The following PAQR6 variants were observed in gnomAD, a reference collection of about 807,000 sequenced individuals.
PAQR6 encodes progestin and adipoQ receptor family member 6.
A neutral mutation model predicts 36.2 loss-of-function variants in PAQR6; 34 were observed. The ratio of observed to expected loss-of-function variants is 0.94; its 90% CI spans 0.71 to 1.25. The LOEUF (loss-of-function observed/expected upper bound fraction) is 1.25. Ranked by LOEUF, PAQR6 falls within the 50% of genes most tolerant of loss-of-function variation. PAQR6 has a pLI of 0.00. For synonymous variants in PAQR6, 190 were observed against 190.7 expected (o/e 1.00, Z 0.03); for missense variants, 431 against 445.7 (o/e 0.97, Z 0.30).
rs771330512 is a variant in PAQR6, at chr1:156,247,942, G to T, written c.-26+15C>A. 4.5e-6 allele frequency: 2 copies of T among 448,170 alleles called. No homozygotes were observed. The highest frequency in any genetic ancestry group is 4.1e-5 in the African/African-American group (2 of 49,358). 27.8% of individuals were successfully genotyped at this position (448,170 alleles called of 1,614,324 possible). A position where few individuals can be genotyped will look rare whatever the true frequency, so the allele number is the denominator to read the frequency against. On this transcript the variant is annotated intron_variant, in intron 1 of 7. Transcript: ENST00000292291. ...CTATTTTCCCAGAAGAGCCCCAGAAGGTGAGCTTCCTTACCCAGAGCTTGG... is the reference window on the plus strand; with the variant it reads ...CTATTTTCCCAGAAGAGCCCCAGAATGTGAGCTTCCTTACCCAGAGCTTGG...
intron 1 of PAQR6, 38 bp from the exon 2 acceptor site, chr1:156,246,794 C>T (rs1660584294): frequency 1.3e-6 from 2 of 1,543,794 alleles, no homozygotes; most frequent in African/African-American, 1.4e-5. Context: ...CAGATAACTG[C>T]CCCCATCCAC....
At position 156,245,844 on chromosome 1, in the gene PAQR6, G is replaced by A. The variant is rs1015455189; in HGVS notation, c.323C>T (p.Ser108Leu). The A allele has an allele frequency of 1.2e-6, 2 of 1,606,428 alleles. No homozygotes were observed. Among genetic ancestry groups the A allele is most frequent in the Non-Finnish European group, 1.7e-6 (2 of 1,177,146 alleles). The change falls in exon 4 of 8, where the codon TCG becomes TTG. Residue 108 changes from serine (S) to leucine (L), a missense_variant. Coordinates refer to ENST00000292291, the MANE Select transcript of PAQR6 (RefSeq NM_198406.3). ...SCCAHTFSSM[S>L]PRMRHICYFL... is the part of the protein sequence containing the mutation. ...GTAGCAGATGTGGCGCATGCGGGGCGACATGGAGCTGAAGGTGTGCGCGCA... is the reference window on the plus strand; with the variant it reads ...GTAGCAGATGTGGCGCATGCGGGGCAACATGGAGCTGAAGGTGTGCGCGCA...
Position 156,243,863 on chromosome 1 carries a change from A to C in PAQR6, c.*266T>G, listed in dbSNP as rs1558206568. The stretch of plus-strand genomic sequence containing the variant: ...TTTGACAGAATATAGGGGCATCTTC[A>C]GCCTGGACACGCATGCATCTCCCCT... On this transcript the variant is annotated 3_prime_UTR_variant, in exon 8 of 8. Coordinates refer to ENST00000292291, the MANE Select transcript of PAQR6 (RefSeq NM_198406.3). 6.3e-7 allele frequency: 1 copy of C among 1,591,248 alleles called. No individual in the cohort carries two copies. The highest frequency in any genetic ancestry group is 1.3e-5 in the African/African-American group (1 of 74,632).
chr1:156,246,192 T>C lies in PAQR6; in HGVS notation c.110A>G (p.Asp37Gly). The change falls in exon 3 of 8, where the codon GAC becomes GGC. Residue 37 changes from aspartate to glycine, a missense_variant. Coordinates refer to ENST00000292291, the MANE Select transcript of PAQR6 (RefSeq NM_198406.3). Reference protein sequence around the residue: ...GYRRPTSSALDCVLSSFQMTN... With the variant: ...GYRRPTSSALGCVLSSFQMTN... ...CATCTGGAAGGAGCTGAGGACACAG[T>C]CCAAAGCCGAGCTGGTGGGGCGGCG... is the stretch of plus-strand genomic sequence containing the variant. 6.2e-7 allele frequency: 1 copy of C among 1,613,644 alleles called. No individual in the cohort carries two copies. Among genetic ancestry groups the C allele is most frequent in the Non-Finnish European group, 8.5e-7 (1 of 1,180,004 alleles).
intron 6 of PAQR6, 65 bp from the exon 7 acceptor site, chr1:156,244,976 G>C: frequency 1.3e-6 from 2 of 1,596,698 alleles, no homozygotes; most frequent in Non-Finnish European, 1.7e-6. Context: ...GTGTGTCTGG[G>C]ATCTGGTGAG....
In PAQR6 at chr1:156,246,884, T is replaced by A. The variant is rs111951101; in HGVS notation, c.-25-128A>T. ...ATGGCACCCTCCCTCCTGGAGCTGC[T>A]TCCTTCAGGCCTGGGGAAGCTGGTC... On this transcript the variant is annotated intron_variant, in intron 1 of 7. Coordinates refer to ENST00000292291, the MANE Select transcript of PAQR6 (RefSeq NM_198406.3). 78 of 744,672 alleles carry A rather than the reference T, an allele frequency of 1.0e-4. No individual in the cohort carries two copies. The Admixed American group carries it at 2.2e-3, about 21-fold the overall frequency. 46.1% of individuals were successfully genotyped at this position (744,672 alleles called of 1,614,324 possible). A position where few individuals can be genotyped will look rare whatever the true frequency, so the allele number is the denominator to read the frequency against.
At chr1:156,246,371 C>G in intron 2 of PAQR6, 121 bp from the exon 3 acceptor site, 1 of 937,392 alleles carries the variant, frequency 1.1e-6, no homozygotes, top group Non-Finnish European at 1.6e-6. Flanking sequence ...CCAAGCCAAA[C>G]TAAATCTGAT....
In PAQR6 at chr1:156,244,238, T is replaced by A. The variant is rs1180233425; in HGVS notation, c.926A>T (p.Asn309Ile). ...TGTGAAAGCAGCAATAATGAGTAGG[T>A]TCCCAGCTGCAGCCAAGACCAGTGT... ...VATLVLAAAGNLLIIAAFTAT... is the reference protein window; with the variant it reads ...VATLVLAAAGILLIIAAFTAT... The change falls in exon 8 of 8, where the codon AAC (asparagine) becomes ATC (isoleucine). Residue 309 changes from asparagine (N) to isoleucine (I), a missense_variant. Coordinates refer to ENST00000292291, the MANE Select transcript of PAQR6 (RefSeq NM_198406.3). 9 of 1,613,642 alleles carry A rather than the reference T, an allele frequency of 5.6e-6. No homozygotes were observed. The highest frequency in any genetic ancestry group is 7.6e-6 in the Non-Finnish European group (9 of 1,179,986).
At chr1:156,246,530 A>G in intron 2 of PAQR6, 151 bp downstream of exon 2, 1 of 980,384 alleles carries the variant, frequency 1.0e-6, no homozygotes, top group Non-Finnish European at 1.5e-6. Flanking sequence ...CTTGTTCCTC[A>G]GAGAACAGAG....
Position 156,245,556 on chromosome 1 carries a change from G to A in PAQR6, c.491C>T (p.Thr164Ile), listed in dbSNP as rs532536649. 3 of 1,612,318 alleles carry A rather than the reference G, an allele frequency of 1.9e-6. No individual in the cohort carries two copies. Among genetic ancestry groups the A allele is most frequent in the Non-Finnish European group, 2.5e-6 (3 of 1,180,026 alleles). Residue 164 changes from threonine to isoleucine, a missense_variant, in exon 5 of 8, where the codon ACC (threonine) becomes ATC (isoleucine). Transcript: ENST00000292291. Reference protein sequence around the residue: ...PAAALNSFLCTGLSCYSRFLE... With the variant: ...PAAALNSFLCIGLSCYSRFLE... ...CCACCGGGAGTAGCAGGAGAGGCCG[G>A]TGCACAGGAAGGAGTTGAGTGCGGC...
chr1:156,244,216 G>A lies in PAQR6; in HGVS notation c.948C>T (p.Phe316=). 1 of 1,613,522 alleles carries A rather than the reference G, an allele frequency of 6.2e-7. No individual in the cohort carries two copies. Among genetic ancestry groups the A allele is most frequent in the Non-Finnish European group, 8.5e-7 (1 of 1,179,616 alleles). ...TGGGGGCCCGAAGCAGGGTGGCTGT[G>A]AAAGCAGCAATAATGAGTAGGTTCC... is the stretch of plus-strand genomic sequence containing the variant. The part of the protein sequence containing the change: ...AAGNLLIIAA[F]TATLLRAPST... The change falls in exon 8 of 8, where the codon TTC becomes TTT. Residue 316 remains phenylalanine (F), a synonymous_variant. Coordinates refer to ENST00000292291, the MANE Select transcript of PAQR6 (RefSeq NM_198406.3).
Position 156,244,345 on chromosome 1 carries a change from C to T in PAQR6, c.819G>A (p.Glu273=). The T allele has an allele frequency of 6.3e-7, 1 of 1,592,024 alleles. No individual in the cohort carries two copies. Among genetic ancestry groups the T allele is most frequent in the South Asian group, 1.1e-5 (1 of 88,858 alleles). ...GTGATCCCATATCAGCCAGCACTGC[C>T]TCCAGCTGGAAGTGGGTGCCCAGCA... ...CAVLGTHFQL[E]AVLADMGSRR... is the part of the protein sequence containing the mutation. The change falls in exon 8 of 8, where the codon GAG becomes GAA. Residue 273 remains glutamate, a synonymous_variant. Coordinates refer to ENST00000292291, the MANE Select transcript of PAQR6 (RefSeq NM_198406.3).
intron 7 of PAQR6, 143 bp from the exon 8 acceptor site, chr1:156,244,546 A>G: frequency 2.2e-6 from 3 of 1,345,190 alleles, no homozygotes; most frequent in Non-Finnish European, 3.0e-6. Context: ...GCATGTGTGC[A>G]TGTGGCCCCA....
intron 7 of PAQR6, 133 bp downstream of exon 7, chr1:156,244,628 A>T: frequency 6.5e-7 from 1 of 1,529,622 alleles, no homozygotes; most frequent in Non-Finnish European, 8.8e-7. Context: ...CTCTCGTTAT[A>T]GGAAGACAGG....
chr1:156,247,793 C>T (rs775314008), intron 1 of PAQR6, 164 bp downstream of exon 1: 10 of 306,796 alleles, frequency 3.3e-5, no homozygotes, highest in Admixed American at 2.3e-4. Context: ...GTGAGGAATA[C>T]GCTGGGGTCT....
chr1:156,245,654 G>A lies in PAQR6; in HGVS notation c.393C>T (p.Ala131=), dbSNP rs1455171492. The A allele has an allele frequency of 6.2e-6, 10 of 1,612,754 alleles. No individual in the cohort carries two copies. In the Admixed American group the frequency reaches 1.5e-4, roughly 24 times the overall value. ...GALSLYSLGC[A]FPYAAYSMPA... ...GCATGGAGTAGGCGGCATAGGGGAA[G>A]GCGCAGCCTGCGGTGAGGTGGGGGC... Residue 131 remains alanine, a synonymous_variant, in exon 5 of 8, where the codon GCC becomes GCT. Coordinates refer to ENST00000292291, the MANE Select transcript of PAQR6 (RefSeq NM_198406.3).
At chr1:156,244,715 G>A (rs1659977193) in intron 7 of PAQR6, 46 bp downstream of exon 7, 1 of 1,613,446 alleles carries the variant, frequency 6.2e-7, no homozygotes, top group African/African-American at 1.3e-5. Context: ...CTCTGGGAAG[G>A]CATCTGCCCC....
At chr1:156,247,190 C>G (rs1399719116) in intron 1 of PAQR6, among the ~76,000 whole-genome samples, 1 of 152,230 alleles carries the variant, frequency 6.6e-6, no homozygotes. Flanking sequence ...ACAGAACACT[C>G]TTGGCACTCC....
In PAQR6 at chr1:156,245,640, G is replaced by T; in HGVS notation, c.407C>A (p.Ala136Asp). The T allele has an allele frequency of 6.2e-7, 1 of 1,613,262 alleles. No individual in the cohort carries two copies. Among genetic ancestry groups the T allele is most frequent in the Non-Finnish European group, 8.5e-7 (1 of 1,179,954 alleles). The change falls in exon 5 of 8, where the codon GCC (alanine) becomes GAC (aspartate). Residue 136 changes from alanine (A) to aspartate (D), a missense_variant. Coordinates refer to ENST00000292291, the MANE Select transcript of PAQR6 (RefSeq NM_198406.3). ...YSLGCAFPYA[A>D]YSMPASWLHG... ...CAGCCAGGAGGCCGGCATGGAGTAGGCGGCATAGGGGAAGGCGCAGCCTGC... is the reference window on the plus strand; with the variant it reads ...CAGCCAGGAGGCCGGCATGGAGTAGTCGGCATAGGGGAAGGCGCAGCCTGC...
Sources: allele counts gnomAD v4.1 joint callset (sites outside exome capture counted in the v4.1 genomes callset), GRCh38; gene constraint gnomAD v4.1.1; transcripts MANE v1.5; gene names NCBI Gene and HGNC (gene_info 2026-07-23, HGNC 2026-07-21).